The following ARHGAP32 variants were observed in gnomAD, a reference collection of about 807,000 sequenced individuals.
ARHGAP32 encodes Rho GTPase activating protein 32, also known as rho GTPase-activating protein 32.
Under a neutral mutation model 186.5 loss-of-function variants are expected in ARHGAP32, and 51 were observed. The observed-to-expected ratio is 0.27, with a 90% CI of 0.22 to 0.35. ARHGAP32 has a LOEUF of 0.35. Ranked by LOEUF, ARHGAP32 falls within the 10% of genes least tolerant of loss-of-function variation. The pLI is 1.00. For synonymous variants in ARHGAP32, 950 were observed against 964.3 expected (o/e 0.99, Z 0.27); for missense variants, 2,186 against 2,623.5 (o/e 0.83, Z 3.64).
At chr11:129,189,103 A>T (rs1464207040) in intron 1 of ARHGAP32, among the ~76,000 whole-genome samples, 1 of 152,186 alleles carries the variant, frequency 6.6e-6, no homozygotes, top group African/African-American at 2.4e-5. Context: ...TGATGCTCAT[A>T]ACCTCCTCAA....
At chr11:129,082,223 T>C (rs982982038) in intron 6 of ARHGAP32, among the ~76,000 whole-genome samples, 4 of 151,904 alleles carry the variant, frequency 2.6e-5, no homozygotes, top group African/African-American at 7.3e-5. Context: ...CAAAATACCA[T>C]GATCATTTCT....
At chr11:129,254,366 C>A (rs760803260) in intron 1 of ARHGAP32, among the ~76,000 whole-genome samples, 1 of 152,048 alleles carries the variant, frequency 6.6e-6, no homozygotes. Context: ...CACTGCATCC[C>A]AAAGGCTCAC....
At chr11:129,237,698 A>T (rs1401079165) in intron 1 of ARHGAP32, among the ~76,000 whole-genome samples, 1 of 152,170 alleles carries the variant, frequency 6.6e-6, no homozygotes. Context: ...AGGGCAACAA[A>T]GTGATAGGAG....
At chr11:129,186,213 C>T (rs1028986835) in intron 1 of ARHGAP32, among the ~76,000 whole-genome samples, 2 of 152,098 alleles carry the variant, frequency 1.3e-5, no homozygotes, top group Non-Finnish European at 1.5e-5. Context: ...TAACCAGGAA[C>T]TTTTATACAG....
chr11:129,191,118 G>A (rs968495275), intron 1 of ARHGAP32, among the ~76,000 whole-genome samples: 8 of 151,998 alleles, frequency 5.3e-5, no homozygotes, highest in Non-Finnish European at 7.4e-5. Context: ...CCTTTGACTC[G>A]AGAAAAGGAG....
chr11:129,178,680 C>G (rs569027820), intron 1 of ARHGAP32, among the ~76,000 whole-genome samples: 2 of 152,236 alleles, frequency 1.3e-5, no homozygotes, highest in South Asian at 2.1e-4. Context: ...CTGAGAAGAA[C>G]AAGCAATGGG....
At chr11:129,054,276 A>G (rs1403568332) in intron 10 of ARHGAP32, among the ~76,000 whole-genome samples, 1 of 152,140 alleles carries the variant, frequency 6.6e-6, no homozygotes, top group East Asian at 1.9e-4. Context: ...GCTTTACGGA[A>G]GATTTTCTGA....
At chr11:128,977,469 T>A (rs1477464454) in intron 19 of ARHGAP32, among the ~76,000 whole-genome samples, 4 of 152,164 alleles carry the variant, frequency 2.6e-5, no homozygotes, top group Admixed American at 6.5e-5. Context: ...CTTTCCCACC[T>A]TTAAACATTG....
At chr11:129,037,790 G>T (rs1939413037) in intron 11 of ARHGAP32, among the ~76,000 whole-genome samples, 1 of 151,654 alleles carries the variant, frequency 6.6e-6, no homozygotes, top group South Asian at 2.1e-4. Flanking sequence ...ATGAAAACAG[G>T]GTACTATTGG....
upstream of ARHGAP32, among the ~76,000 whole-genome samples, chr11:129,197,280 A>G (rs1041721439): frequency 8.5e-5 from 13 of 152,154 alleles, no homozygotes; most frequent in Non-Finnish European, 1.3e-4. Context: ...CCCGTTATCT[A>G]CATGGCTGAA....
intron 5 of ARHGAP32, among the ~76,000 whole-genome samples, chr11:129,107,018 T>A (rs1249596167): frequency 6.6e-6 from 1 of 151,888 alleles, no homozygotes; most frequent in Non-Finnish European, 1.5e-5. Flanking sequence ...ATAATCAGAT[T>A]TTTCAAAAGA....
intron 1 of ARHGAP32, among the ~76,000 whole-genome samples, chr11:129,170,493 CT>C (rs1857441005): frequency 1.3e-5 from 2 of 152,140 alleles, no homozygotes; most frequent in Admixed American, 1.3e-4. Flanking sequence ...GTCCATGTCC[CT>C]GAAAAGGACA....
intron 1 of ARHGAP32, among the ~76,000 whole-genome samples, chr11:129,213,182 G>C (rs1191828209): frequency 6.6e-6 from 1 of 152,136 alleles, no homozygotes; most frequent in African/African-American, 2.4e-5. Context: ...AAATTTAAAT[G>C]ATATAAACTA....
At chr11:128,971,450 G>C (rs1402085026) in intron 22 of ARHGAP32, 1 of 343,106 alleles carries the variant, frequency 2.9e-6, no homozygotes, top group East Asian at 5.2e-5. Context: ...CAAACCAAAA[G>C]AGAGGTTTAG....
chr11:129,271,779 T>C (rs938872668), intron 1 of ARHGAP32, among the ~76,000 whole-genome samples: 4 of 152,180 alleles, frequency 2.6e-5, no homozygotes, highest in African/African-American at 9.7e-5. Context: ...AGTTGGCCAC[T>C]GTGAAATGCT....
chr11:129,009,772 T>C (rs1325281869), intron 11 of ARHGAP32, among the ~76,000 whole-genome samples: 1 of 152,208 alleles, frequency 6.6e-6, no homozygotes, highest in African/African-American at 2.4e-5. Context: ...GTCTTTGCTG[T>C]TGTGAACAGT....
At chr11:129,142,555 A>T (rs1591647399) in intron 2 of ARHGAP32, among the ~76,000 whole-genome samples, 1 of 152,308 alleles carries the variant, frequency 6.6e-6, no homozygotes, top group East Asian at 1.9e-4. Context: ...CAAACTACTA[A>T]TCAAAATGAG....
intron 11 of ARHGAP32, among the ~76,000 whole-genome samples, chr11:129,029,001 A>G (rs968357187): frequency 3.9e-5 from 6 of 152,220 alleles, no homozygotes; most frequent in African/African-American, 1.4e-4. Context: ...AAATGCTACA[A>G]TGTAAGAGAG....
At position 129,192,142 on chromosome 11, in the gene ARHGAP32, C is replaced by T. The variant is rs373759285; in HGVS notation, c.57G>A (p.Glu19=). The T allele has an allele frequency of 6.1e-5, 99 of 1,613,918 alleles. No homozygotes were observed. The highest frequency in any genetic ancestry group is 7.2e-5 in the Non-Finnish European group (85 of 1,179,848). Residue 19 remains glutamate (E), a synonymous_variant, in exon 1 of 23, where the codon GAG becomes GAA. Coordinates refer to ENST00000682385, the MANE Select transcript of ARHGAP32 (RefSeq NM_001378024.1). ...TLGDDSVFWL[E]SEVIIQVTDC... is the part of the protein sequence containing the mutation. Reference sequence around the variant, plus strand: ...CAGTCACCTGGATTATAACTTCAGACTCCAACCAGAAGACACTGTCATCCC... The same window carrying T: ...CAGTCACCTGGATTATAACTTCAGATTCCAACCAGAAGACACTGTCATCCC...
Sources: gnomAD v4.1 joint callset for allele counts (sites outside exome capture counted in the v4.1 genomes callset) on GRCh38, gnomAD v4.1.1 for gene constraint, MANE v1.5 for transcripts, NCBI Gene and HGNC (gene_info 2026-07-23, HGNC 2026-07-21) for gene names.